Variants in SRGAP1 observed in about 807,000 individuals in gnomAD.
The protein encoded by SRGAP1 is SLIT-ROBO Rho GTPase-activating protein 1.
In SRGAP1, 43 loss-of-function variants were observed where a neutral mutation model predicts 121.9. The observed-to-expected ratio is 0.35, with a 90% confidence interval of 0.28 to 0.46. The LOEUF (loss-of-function observed/expected upper bound fraction) is 0.46. Among genes scored for constraint, SRGAP1 ranks in the 20% least tolerant of loss-of-function variants. The pLI is 1.00. For synonymous variants in SRGAP1, 447 were observed against 485.4 expected (o/e 0.92, Z 1.04); for missense variants, 1,102 against 1,350.9 (o/e 0.82, Z 2.89).
intron 15 of SRGAP1, among the ~76,000 whole-genome samples, chr12:64,102,277 C>G (rs1455832570): frequency 6.6e-6 from 1 of 152,210 alleles, no homozygotes; most frequent in African/African-American, 2.4e-5. Context: ...CATGTTATCA[C>G]TGTAGAAAAA....
chr12:63,865,503 GT>G (rs1899597608), intron 1 of SRGAP1, among the ~76,000 whole-genome samples: 1 of 152,140 alleles, frequency 6.6e-6, no homozygotes, highest in Non-Finnish European at 1.5e-5. Flanking sequence ...TCTGTGCTTT[GT>G]GATTCAACAA....
chr12:63,939,461 A>G (rs970608254), intron 1 of SRGAP1, among the ~76,000 whole-genome samples: 1 of 152,180 alleles, frequency 6.6e-6, no homozygotes, highest in African/African-American at 2.4e-5. Flanking sequence ...TTCATAAAAT[A>G]CAAAAGAACA....
chr12:63,898,939 A>G (rs986669158), intron 1 of SRGAP1, among the ~76,000 whole-genome samples: 2 of 152,136 alleles, frequency 1.3e-5, no homozygotes, highest in African/African-American at 4.8e-5. Context: ...TACCTCTTTG[A>G]TCACGTCATT....
chr12:63,848,305 C>T (rs1175000268), intron 1 of SRGAP1, among the ~76,000 whole-genome samples: 3 of 152,152 alleles, frequency 2.0e-5, no homozygotes, highest in Non-Finnish European at 4.4e-5. Context: ...AGCCACTGCA[C>T]CCGGCCCAGA....
rs1356655580 is a variant in SRGAP1 at position 64,156,945 on chromosome 12, TA to T, written c.*14275del. Reference sequence around the variant, plus strand: ...TAAAATTATCTGACCTGAGAGACCTTAACAGCTAGGCCTGCACTGCTCATGC... The same window carrying T: ...TAAAATTATCTGACCTGAGAGACCTTACAGCTAGGCCTGCACTGCTCATGC... On this transcript the variant is annotated 3_prime_UTR_variant, in exon 22 of 22. Transcript: ENST00000355086. 1 of 152,064 alleles carries T rather than the reference TA, an allele frequency of 6.6e-6. No individual in the cohort carries two copies. Among genetic ancestry groups the T allele is most frequent in the Non-Finnish European group, 1.5e-5 (1 of 68,006 alleles). The allele number at this position is 152,064 out of a possible 1,614,324, so 9.4% of individuals were successfully genotyped here.
In SRGAP1 at chr12:63,986,318, G is replaced by A. The variant is rs147554660; in HGVS notation, c.263+2176G>A. On this transcript the variant is annotated intron_variant, in intron 2 of 21. Coordinates refer to ENST00000355086, the MANE Select transcript of SRGAP1 (RefSeq NM_020762.4). ...ATGTTATATGTATTTAACAGAGAGC[G>A]GGGCTGGGAAGCAGAGGCTGGAGCC... Among the ~76,000 whole-genome samples the A allele has an allele frequency of 5.6e-4, 85 of 152,264 alleles. No homozygotes were observed. In the East Asian group the frequency reaches 0.015, roughly 28 times the overall value.
chr12:64,070,422 A>T (rs948518371), intron 8 of SRGAP1, among the ~76,000 whole-genome samples: 7 of 152,178 alleles, frequency 4.6e-5, no homozygotes, highest in Non-Finnish European at 1.0e-4. Context: ...TTGTCCCAAT[A>T]TTTGGTCCAG....
intron 3 of SRGAP1, among the ~76,000 whole-genome samples, chr12:63,995,773 T>C (rs928795852): frequency 4.6e-5 from 7 of 152,118 alleles, no homozygotes; most frequent in African/African-American, 1.7e-4. Flanking sequence ...TATTGCTGAT[T>C]GTGTGGCTTA....
chr12:63,960,255 A>G (rs2032597200), intron 1 of SRGAP1, among the ~76,000 whole-genome samples: 1 of 152,136 alleles, frequency 6.6e-6, no homozygotes. Flanking sequence ...TTTCCTTGTC[A>G]TTTCCACCAA....
intron 4 of SRGAP1, among the ~76,000 whole-genome samples, chr12:64,025,355 G>A (rs1039730382): frequency 8.5e-5 from 13 of 152,052 alleles, no homozygotes; most frequent in African/African-American, 2.7e-4. Flanking sequence ...AAGTCATTCC[G>A]AGAGCCCAAG....
intron 21 of SRGAP1, among the ~76,000 whole-genome samples, chr12:64,133,674 C>T (rs1429677996): frequency 1.3e-5 from 2 of 152,156 alleles, no homozygotes. Context: ...AGGGACCTGG[C>T]CTCCTCTTCA....
intron 1 of SRGAP1, among the ~76,000 whole-genome samples, chr12:63,938,695 G>A (rs1305699047): frequency 1.3e-5 from 2 of 151,614 alleles, no homozygotes; most frequent in South Asian, 2.1e-4. Flanking sequence ...TACCATGTTA[G>A]CACCTTCTAC....
intron 19 of SRGAP1, 64 bp from the exon 20 acceptor site, chr12:64,127,525 TC>T (rs2036712120): frequency 3.3e-6 from 5 of 1,506,862 alleles, no homozygotes; most frequent in Middle Eastern, 1.8e-4. Flanking sequence ...TCTCCACTCA[TC>T]TAGCAAATTT....
At chr12:64,090,376 AGTTT>A (rs1418909546) in intron 11 of SRGAP1, among the ~76,000 whole-genome samples, 1 of 152,252 alleles carries the variant, frequency 6.6e-6, no homozygotes, top group African/African-American at 2.4e-5. Context: ...GTGGTGGAAT[AGTTT>A]GTTCTAAAGA....
At chr12:63,971,703 G>C (rs533590696) in intron 1 of SRGAP1, among the ~76,000 whole-genome samples, 6 of 152,220 alleles carry the variant, frequency 3.9e-5, no homozygotes, top group Admixed American at 6.5e-5. Flanking sequence ...TTAATGGTCA[G>C]TACTTGCTAA....
intron 1 of SRGAP1, among the ~76,000 whole-genome samples, chr12:63,861,302 A>ATATATATATAT (rs1184711599): frequency 1.5e-5 from 2 of 132,624 alleles, no homozygotes; most frequent in East Asian, 2.3e-4. Context: ...ATATATATAT[A>ATATATATATAT]TTTTTTTTTT....
chr12:63,846,721 G>C (rs1434933388), intron 1 of SRGAP1, among the ~76,000 whole-genome samples: 8 of 152,060 alleles, frequency 5.3e-5, no homozygotes, highest in Admixed American at 5.2e-4. Context: ...CACTGCACCT[G>C]CCCTGCCCTG....
At chr12:64,123,143 C>T (rs1318485946) in intron 18 of SRGAP1, among the ~76,000 whole-genome samples, 2 of 152,094 alleles carry the variant, frequency 1.3e-5, no homozygotes, top group African/African-American at 4.8e-5. Flanking sequence ...AAGCCAAATA[C>T]AAATATGTGG....
chr12:64,107,046 G>A (rs1349101621), intron 15 of SRGAP1, among the ~76,000 whole-genome samples: 2 of 152,094 alleles, frequency 1.3e-5, no homozygotes, highest in Admixed American at 6.6e-5. Context: ...ACAGAGCTAC[G>A]GTTCCAACTT....
Sources: allele counts gnomAD v4.1 joint callset (sites outside exome capture counted in the v4.1 genomes callset), GRCh38; gene constraint gnomAD v4.1.1; transcripts MANE v1.5; gene names NCBI Gene and HGNC (gene_info 2026-07-23, HGNC 2026-07-21).